TUSC3: variants seen among roughly 807,000 people sequenced by gnomAD.
The protein encoded by TUSC3 is dolichyl-diphosphooligosaccharide--protein glycosyltransferase subunit TUSC3.
A neutral mutation model predicts 44.8 loss-of-function variants in TUSC3; 45 were observed. The observed-to-expected ratio is 1.00, with a 90% CI of 0.79 to 1.29. TUSC3 has a LOEUF of 1.29. Among genes scored for constraint, TUSC3 ranks in the 50% most tolerant of loss-of-function variants. The probability of loss-of-function intolerance (pLI) is 0.00; values close to 1 mark genes in which losing one functional copy is unlikely to be tolerated. For synonymous variants in TUSC3, 212 were observed against 152.9 expected, an observed-to-expected ratio of 1.39 and a Z score of -2.85; for missense variants, 519 against 437.9, an observed-to-expected ratio of 1.19 and a Z score of -1.65.
chr8:15,741,962 A>C (rs1472402041), intron 7 of TUSC3, among the ~76,000 whole-genome samples: 1 of 152,160 alleles, frequency 6.6e-6, no homozygotes. Context: ...AATTTTTATC[A>C]TGTTGTTATT....
At chr8:15,661,641 CT>C (rs1184423603) in intron 4 of TUSC3, among the ~76,000 whole-genome samples, 1 of 151,816 alleles carries the variant, frequency 6.6e-6, no homozygotes, top group African/African-American at 2.4e-5. Flanking sequence ...TTTGGTCCTC[CT>C]TTGTAATTAA....
At chr8:15,477,044 G>A (rs952137252) in intron 1 of TUSC3, among the ~76,000 whole-genome samples, 3 of 152,124 alleles carry the variant, frequency 2.0e-5, no homozygotes, top group African/African-American at 4.8e-5. Context: ...AGGTACTTAC[G>A]ATTTTCCATC....
chr8:15,550,710 C>A (rs904107216), intron 1 of TUSC3, among the ~76,000 whole-genome samples: 2 of 151,460 alleles, frequency 1.3e-5, no homozygotes, highest in African/African-American at 4.8e-5. Flanking sequence ...CTCTCACTGT[C>A]ACCCAGGTTG....
chr8:15,630,546 A>G (rs988101406), intron 2 of TUSC3, among the ~76,000 whole-genome samples: 2 of 152,202 alleles, frequency 1.3e-5, no homozygotes, highest in Non-Finnish European at 2.9e-5. Flanking sequence ...CTGAGAGGTT[A>G]TAATTTTTTC....
chr8:15,453,832 C>G (rs1009165537), intron 1 of TUSC3, among the ~76,000 whole-genome samples: 1 of 152,048 alleles, frequency 6.6e-6, no homozygotes, highest in Non-Finnish European at 1.5e-5. Context: ...AACTGTCTCT[C>G]TAAAATAATT....
the TUSC3 span, among the ~76,000 whole-genome samples, chr8:15,798,339 G>A: frequency 2.0e-5 from 3 of 152,100 alleles, no homozygotes; most frequent in Non-Finnish European, 2.9e-5. Context: ...AGTTCCCTAA[G>A]TGCCCATATC....
chr8:15,492,089 T>G (rs1314772827), intron 2 of TUSC3, among the ~76,000 whole-genome samples: 1 of 152,202 alleles, frequency 6.6e-6, no homozygotes, highest in Non-Finnish European at 1.5e-5. Flanking sequence ...GACTTATTTG[T>G]AAACCATTTG....
intron 6 of TUSC3, among the ~76,000 whole-genome samples, chr8:15,699,905 C>T (rs912040880): frequency 3.3e-5 from 5 of 152,114 alleles, no homozygotes; most frequent in Admixed American, 2.6e-4. Flanking sequence ...TCAGCAAAAG[C>T]CTCTATATAA....
At chr8:15,471,992 A>G (rs1304467902) in intron 1 of TUSC3, among the ~76,000 whole-genome samples, 1 of 152,032 alleles carries the variant, frequency 6.6e-6, no homozygotes, top group Non-Finnish European at 1.5e-5. Flanking sequence ...GGTTATGTGC[A>G]CAAGAAAAAA....
At chr8:15,660,104 A>G (rs768267747) in intron 4 of TUSC3, among the ~76,000 whole-genome samples, 3 of 152,082 alleles carry the variant, frequency 2.0e-5, no homozygotes, top group Non-Finnish European at 2.9e-5. Flanking sequence ...TCATGTCTGT[A>G]TGTAATTTAA....
chr8:15,422,374 C>G (rs1045327484), intron 1 of TUSC3, among the ~76,000 whole-genome samples: 1 of 152,158 alleles, frequency 6.6e-6, no homozygotes, highest in African/African-American at 2.4e-5. Flanking sequence ...TATAACACGT[C>G]TTCTTACCTA....
rs751192990 is a variant in TUSC3, at chr8:15,623,199, G to A, written c.258G>A (p.Met86Ile). Residue 86 changes from methionine (M) to isoleucine (I), a missense_variant, in exon 2 of 11, where the codon ATG becomes ATA. Transcript: ENST00000503731. The part of the protein sequence containing the change: ...FIKAPPRNYS[M>I]IVMFTALQPQ... The stretch of plus-strand genomic sequence containing the variant: ...AGGCACCACCTCGAAACTATTCCAT[G>A]ATTGTTATGTTCACTGCTCTTCAGC... 5 of 1,613,292 alleles carry A rather than the reference G, an allele frequency of 3.1e-6. No individual in the cohort carries two copies. The highest frequency in any genetic ancestry group is 3.4e-6 in the Non-Finnish European group (4 of 1,179,600).
At chr8:15,658,886 C>T (rs963831129) in intron 3 of TUSC3, among the ~76,000 whole-genome samples, 42 of 151,972 alleles carry the variant, frequency 2.8e-4, no homozygotes, top group African/African-American at 1.0e-3. Flanking sequence ...CAATTTAACA[C>T]AGTTGAGTTA....
intron 2 of TUSC3, among the ~76,000 whole-genome samples, chr8:15,518,012 C>A (rs760659161): frequency 6.6e-6 from 1 of 151,990 alleles, no homozygotes; most frequent in Non-Finnish European, 1.5e-5. Context: ...ACATTCGCAC[C>A]TGTTCCTACC....
At chr8:15,561,970 T>C (rs947377980) in intron 1 of TUSC3, among the ~76,000 whole-genome samples, 2 of 152,204 alleles carry the variant, frequency 1.3e-5, no homozygotes, top group African/African-American at 4.8e-5. Context: ...TCTTCTGCGT[T>C]GCTCAGGCTG....
intron 1 of TUSC3, among the ~76,000 whole-genome samples, chr8:15,544,938 G>T (rs1003248380): frequency 6.6e-6 from 1 of 151,760 alleles, no homozygotes; most frequent in African/African-American, 2.4e-5. Context: ...AGAAGACATG[G>T]GATTCTTGTG....
intron 6 of TUSC3, among the ~76,000 whole-genome samples, chr8:15,680,745 C>A (rs907735836): frequency 3.3e-5 from 5 of 151,936 alleles, no homozygotes; most frequent in Admixed American, 6.6e-5. Context: ...ATGACTCTTA[C>A]TATTTTGAAG....
At chr8:15,518,123 C>T (rs1361435125) in intron 2 of TUSC3, among the ~76,000 whole-genome samples, 1 of 152,060 alleles carries the variant, frequency 6.6e-6, no homozygotes, top group Non-Finnish European at 1.5e-5. Context: ...CTACATAATT[C>T]CATGTGGGCT....
chr8:15,417,722 G>C (rs187658638), intron 1 of TUSC3, among the ~76,000 whole-genome samples: 17 of 152,324 alleles, frequency 1.1e-4, no homozygotes, highest in Admixed American at 7.8e-4. Flanking sequence ...ACTTCAAAGA[G>C]ATAGTATGCA....
Sources: gnomAD v4.1 joint callset for allele counts (sites outside exome capture counted in the v4.1 genomes callset) on GRCh38, gnomAD v4.1.1 for gene constraint, MANE v1.5 for transcripts, NCBI Gene and HGNC (gene_info 2026-07-23, HGNC 2026-07-21) for gene names.